CREB5: variants seen among roughly 807,000 people sequenced by gnomAD.
CREB5 encodes cAMP responsive element binding protein 5, also known as cyclic AMP-responsive element-binding protein 5.
Under a neutral mutation model 57.1 loss-of-function variants are expected in CREB5, and 19 were observed. The observed-to-expected ratio is 0.33, with a 90% CI of 0.23 to 0.49. The LOEUF is 0.49. Among genes scored for constraint, CREB5 ranks in the 20% least tolerant of loss-of-function variants. The pLI, the probability that CREB5 is intolerant of heterozygous loss-of-function variation, is 0.99. For synonymous variants in CREB5, 238 were observed against 238.3 expected (o/e 1.00, Z 0.01); for missense variants, 579 against 671.6 (o/e 0.86, Z 1.52).
chr7:28,396,508 A>AT (rs1032597881), intron 1 of CREB5, among the ~76,000 whole-genome samples: 1 of 152,066 alleles, frequency 6.6e-6, no homozygotes, highest in Non-Finnish European at 1.5e-5. Flanking sequence ...AATTAAACAT[A>AT]TTTTTTCATA....
intron 4 of CREB5, among the ~76,000 whole-genome samples, chr7:28,515,753 C>G (rs748422878): frequency 6.6e-6 from 1 of 152,076 alleles, no homozygotes; most frequent in East Asian, 1.9e-4. Context: ...ATTCTTACTT[C>G]GTACTGGGTT....
In CREB5 at chr7:28,803,776, A is replaced by C. The variant is rs113406808; in HGVS notation, c.703-423A>C. On this transcript the variant is annotated intron_variant, in intron 7 of 10. Transcript: ENST00000357727. ...ATCTCAAAAAAAAAAAAAAAAAAAA[A>C]AATTAAATACAGTAGCACACCAGAT... Among the ~76,000 whole-genome samples the C allele has an allele frequency of 1.5e-4, 23 of 150,126 alleles. 1 individual carries two copies. In the South Asian group the frequency reaches 4.9e-3, roughly 32 times the overall value.
intron 1 of CREB5, among the ~76,000 whole-genome samples, chr7:28,444,815 A>G (rs1789360290): frequency 6.6e-6 from 1 of 152,188 alleles, no homozygotes; most frequent in Non-Finnish European, 1.5e-5. Flanking sequence ...TTCTAGAGGA[A>G]ACTCTATCAC....
At chr7:28,699,680 C>G (rs1801746875) in intron 5 of CREB5, among the ~76,000 whole-genome samples, 1 of 152,118 alleles carries the variant, frequency 6.6e-6, no homozygotes, top group African/African-American at 2.4e-5. Context: ...AAAGTTATAT[C>G]AACTTTCTGT....
chr7:28,675,554 AGAC>A (rs1800278009), intron 5 of CREB5, among the ~76,000 whole-genome samples: 1 of 152,228 alleles, frequency 6.6e-6, no homozygotes, highest in African/African-American at 2.4e-5. Context: ...GTGAAAGGGG[AGAC>A]GAGAGAGAAA....
At chr7:28,783,561 TAAAAA>T (rs200076717) in intron 7 of CREB5, among the ~76,000 whole-genome samples, 1 of 152,062 alleles carries the variant, frequency 6.6e-6, no homozygotes, top group African/African-American at 2.4e-5. Flanking sequence ...ATTTTGAAAT[TAAAAA>T]AAATAAAATT....
intron 7 of CREB5, among the ~76,000 whole-genome samples, chr7:28,738,283 G>A (rs1804147358): frequency 6.6e-6 from 1 of 152,070 alleles, no homozygotes; most frequent in Admixed American, 6.6e-5. Flanking sequence ...TAAACACCTA[G>A]GATCATTTTT....
intron 5 of CREB5, among the ~76,000 whole-genome samples, chr7:28,675,863 A>T: frequency 6.6e-6 from 1 of 152,190 alleles, no homozygotes; most frequent in East Asian, 1.9e-4. Flanking sequence ...GCCTATAAGA[A>T]GTCAACACCA....
chr7:28,416,998 G>A (rs757339723), intron 1 of CREB5, among the ~76,000 whole-genome samples: 2 of 152,138 alleles, frequency 1.3e-5, no homozygotes, highest in Admixed American at 6.5e-5. Flanking sequence ...TAGATTGATG[G>A]CATAACAAGC....
intron 1 of CREB5, among the ~76,000 whole-genome samples, chr7:28,319,049 T>C (rs894428461): frequency 2.6e-5 from 4 of 152,134 alleles, no homozygotes; most frequent in Admixed American, 1.3e-4. Flanking sequence ...TGGAGTGACA[T>C]ATGGGGTCAT....
At chr7:28,446,652 C>T (rs991047697) in intron 1 of CREB5, among the ~76,000 whole-genome samples, 2 of 151,980 alleles carry the variant, frequency 1.3e-5, no homozygotes, top group Non-Finnish European at 2.9e-5. Flanking sequence ...ATTAGCTGGG[C>T]GTGGTGGTGG....
intron 5 of CREB5, among the ~76,000 whole-genome samples, chr7:28,641,558 A>C (rs906067148): frequency 2.0e-5 from 3 of 152,156 alleles, no homozygotes; most frequent in Admixed American, 2.0e-4. Context: ...TCCTTCGGGC[A>C]TGGCAGATGT....
chr7:28,560,919 T>TGCGTGCGCGCGTGC (rs1562797827), intron 4 of CREB5, among the ~76,000 whole-genome samples: 1 of 42,990 alleles, frequency 2.3e-5, no homozygotes, highest in Non-Finnish European at 4.5e-5. Flanking sequence ...CGTGTGCGTG[T>TGCGTGCGCGCGTGC]GTGCGCGTGC....
chr7:28,533,264 C>T (rs216715), intron 4 of CREB5, among the ~76,000 whole-genome samples: 111,696 of 152,108 alleles, frequency 0.73, 41,796 homozygotes, highest in South Asian at 0.82. Context: ...GCTTGTGTAA[C>T]GAAGCAAGAC....
At chr7:28,648,220 T>A (rs956997238) in intron 5 of CREB5, among the ~76,000 whole-genome samples, 1 of 152,096 alleles carries the variant, frequency 6.6e-6, no homozygotes, top group Non-Finnish European at 1.5e-5. Context: ...GATAACTGGA[T>A]CATAAAGAAT....
chr7:28,590,791 T>C (rs1016076939), intron 5 of CREB5, among the ~76,000 whole-genome samples: 1 of 152,076 alleles, frequency 6.6e-6, no homozygotes, highest in Admixed American at 6.5e-5. Flanking sequence ...TCTTCCCTAA[T>C]GTGTTAAAAT....
At chr7:28,398,677 G>A (rs903650955) in intron 1 of CREB5, among the ~76,000 whole-genome samples, 1 of 152,060 alleles carries the variant, frequency 6.6e-6, no homozygotes, top group Admixed American at 6.6e-5. Context: ...GTAAATTTAT[G>A]CAACTATATT....
chr7:28,475,955 A>T (rs1357810517), intron 1 of CREB5, among the ~76,000 whole-genome samples: 1 of 152,168 alleles, frequency 6.6e-6, no homozygotes, highest in Non-Finnish European at 1.5e-5. Flanking sequence ...CCCAGAGTCA[A>T]GTGACCTATT....
At chr7:28,794,372 T>C (rs1438653412) in intron 7 of CREB5, among the ~76,000 whole-genome samples, 1 of 152,214 alleles carries the variant, frequency 6.6e-6, no homozygotes, top group Non-Finnish European at 1.5e-5. Context: ...AGGCCACTGC[T>C]TCAAAGACAT....
Sources: allele counts gnomAD v4.1 joint callset (sites outside exome capture counted in the v4.1 genomes callset), GRCh38; gene constraint gnomAD v4.1.1; transcripts MANE v1.5; gene names NCBI Gene and HGNC (gene_info 2026-07-23, HGNC 2026-07-21).